MEI1: variants seen among roughly 807,000 people sequenced by gnomAD.
MEI1 encodes the protein meiosis inhibitor protein 1.
MEI1 carries 103 observed loss-of-function variants against 146.2 expected under a neutral mutation model. That is an observed-to-expected ratio of 0.70 (90% confidence interval 0.60 to 0.83). The LOEUF is 0.83. MEI1 is among the 40% of genes least tolerant of loss of function. The pLI, the probability that MEI1 is intolerant of heterozygous loss-of-function variation, is 0.00. For missense variants in MEI1, 1,529 were observed against 1,533.0 expected (o/e 1.00, Z 0.04); for synonymous variants, 652 against 628.2 (o/e 1.04, Z -0.57).
intron 14 of MEI1, among the ~76,000 whole-genome samples, chr22:41,747,092 TGAAAG>T (rs780580799): frequency 1.3e-5 from 2 of 151,926 alleles, no homozygotes; most frequent in Non-Finnish European, 2.9e-5. Flanking sequence ...GCTCTAAAAA[TGAAAG>T]GAAAGGTGTC....
At chr22:41,721,958 A>C (rs2070876368) in intron 6 of MEI1, 2 of 150,684 alleles carry the variant, frequency 1.3e-5, no homozygotes, top group African/African-American at 4.9e-5. Flanking sequence ...TGACCTCGTG[A>C]TCTGCCTGCC....
At chr22:41,717,467 T>G (rs1327869789) in intron 5 of MEI1, among the ~76,000 whole-genome samples, 1 of 152,018 alleles carries the variant, frequency 6.6e-6, no homozygotes, top group Non-Finnish European at 1.5e-5. Context: ...CCAGCCTAAT[T>G]ATTATTATTT....
intron 11 of MEI1, among the ~76,000 whole-genome samples, chr22:41,733,276 C>G (rs2072029228): frequency 6.6e-6 from 1 of 151,424 alleles, no homozygotes; most frequent in Admixed American, 6.6e-5. Context: ...CACAACAGAA[C>G]CTGTCTCTAC....
At chr22:41,749,279 CTTTT>C (rs60767990) in intron 15 of MEI1, among the ~76,000 whole-genome samples, 1 of 145,120 alleles carries the variant, frequency 6.9e-6, no homozygotes. Context: ...GGATTTTTTT[CTTTT>C]TTTTTTTTTG....
At chr22:41,734,774 A>G (rs935161110) in intron 11 of MEI1, among the ~76,000 whole-genome samples, 3 of 151,318 alleles carry the variant, frequency 2.0e-5, no homozygotes, top group African/African-American at 7.3e-5. Context: ...AGTAGCTGGG[A>G]CTACAGGTGC....
intron 17 of MEI1, 128 bp downstream of exon 17, chr22:41,754,174 A>T (rs1322631440): frequency 1.0e-5 from 7 of 668,156 alleles, no homozygotes; most frequent in African/African-American, 1.8e-5. Context: ...GCCCAGAGGA[A>T]TCGGAGTGAT....
At chr22:41,735,052 C>T (rs980197284) in intron 11 of MEI1, among the ~76,000 whole-genome samples, 2 of 151,714 alleles carry the variant, frequency 1.3e-5, no homozygotes, top group African/African-American at 4.8e-5. Context: ...ACCTCCGCCT[C>T]CCAGGTTCAC....
At chr22:41,766,234 C>T (rs1162204345) in intron 19 of MEI1, among the ~76,000 whole-genome samples, 2 of 148,410 alleles carry the variant, frequency 1.3e-5, no homozygotes, top group African/African-American at 5.0e-5. Flanking sequence ...AGTGCAGTGG[C>T]GCGATCTCTG....
At chr22:41,709,820 G>C (rs1322814874) in intron 3 of MEI1, among the ~76,000 whole-genome samples, 2 of 152,062 alleles carry the variant, frequency 1.3e-5, no homozygotes, top group African/African-American at 2.4e-5. Flanking sequence ...ATGACATGAG[G>C]CCTCAAAATG....
At chr22:41,713,159 G>C (rs1179580798) in intron 3 of MEI1, among the ~76,000 whole-genome samples, 5 of 152,094 alleles carry the variant, frequency 3.3e-5, no homozygotes, top group African/African-American at 1.2e-4. Context: ...TGTGCAGCCT[G>C]AGTTGAGAAC....
intron 15 of MEI1, among the ~76,000 whole-genome samples, chr22:41,749,332 A>G (rs2073577377): frequency 6.6e-6 from 1 of 151,326 alleles, no homozygotes; most frequent in Admixed American, 6.6e-5. Context: ...CTAGAGTGCA[A>G]TGGCACGATC....
At chr22:41,725,552 A>C (rs940452854) in intron 7 of MEI1, among the ~76,000 whole-genome samples, 2 of 152,122 alleles carry the variant, frequency 1.3e-5, no homozygotes, top group South Asian at 4.1e-4. Context: ...CTTTATCTGG[A>C]TATCCTTCAG....
At chr22:41,766,826 C>T (rs1010335350) in intron 19 of MEI1, among the ~76,000 whole-genome samples, 1 of 152,218 alleles carries the variant, frequency 6.6e-6, no homozygotes, top group Non-Finnish European at 1.5e-5. Flanking sequence ...GCCACTGCTC[C>T]TGTCTCCAGT....
At chr22:41,798,876 CA>C (rs36107725) in intron 30 of MEI1, among the ~76,000 whole-genome samples, 1,191 of 76,470 alleles carry the variant, frequency 0.016, 7 homozygotes, top group African/African-American at 0.052. Flanking sequence ...GACTATGTCT[CA>C]AAAAAAAAAA....
intron 30 of MEI1, among the ~76,000 whole-genome samples, chr22:41,796,082 G>C (rs2076346985): frequency 6.6e-6 from 1 of 152,176 alleles, no homozygotes; most frequent in Non-Finnish European, 1.5e-5. Context: ...GTCTTCTAAA[G>C]TAAGCAGGGG....
chr22:41,726,899 G>A (rs942107369), intron 7 of MEI1, among the ~76,000 whole-genome samples: 2 of 151,204 alleles, frequency 1.3e-5, no homozygotes, highest in Non-Finnish European at 2.9e-5. Context: ...TCAGCCTCCC[G>A]AGTAGCTGGG....
At chr22:41,743,287 T>G (rs753413097) in intron 12 of MEI1, 93 bp downstream of exon 12, 47 of 853,850 alleles carry the variant, frequency 5.5e-5, no homozygotes, top group Middle Eastern at 3.3e-4. Flanking sequence ...TGTATGCTAT[T>G]TCATGACTTT....
chr22:41,724,572 C>G (rs765024951), intron 7 of MEI1, among the ~76,000 whole-genome samples: 1 of 150,024 alleles, frequency 6.7e-6, no homozygotes, highest in Non-Finnish European at 1.5e-5. Flanking sequence ...GAGCCAAGAC[C>G]GCGCCACTGC....
Position 41,784,424 on chromosome 22 carries a change from T to A in MEI1, c.3169+4T>A, listed in dbSNP as rs1418328432. 2 of 1,613,822 alleles carry A rather than the reference T, an allele frequency of 1.2e-6. No homozygotes were observed. The highest frequency in any genetic ancestry group is 2.2e-5 in the South Asian group (2 of 91,078). On this transcript the variant is annotated splice_donor_region_variant and intron_variant, in intron 25 of 30. Coordinates refer to ENST00000401548, the MANE Select transcript of MEI1 (RefSeq NM_152513.4). ...AAAAAGGCTGCACTACTCTCAGGTA[T>A]GGGTCCACAAGTCTCCAGCAGAAGA...
Sources: allele counts gnomAD v4.1 joint callset (sites outside exome capture counted in the v4.1 genomes callset), GRCh38; gene constraint gnomAD v4.1.1; transcripts MANE v1.5; gene names NCBI Gene and HGNC (gene_info 2026-07-23, HGNC 2026-07-21).